The following KIRREL1 variants were observed in gnomAD, a reference collection of about 807,000 sequenced individuals.
KIRREL1 encodes kin of IRRE-like protein 1.
KIRREL1 carries 25 observed loss-of-function variants against 83.3 expected under a neutral mutation model. That is an observed-to-expected ratio of 0.30 (90% CI 0.22 to 0.42). The LOEUF is 0.42. Ranked by LOEUF, KIRREL1 falls within the 10% of genes least tolerant of loss-of-function variation. KIRREL1 has a pLI of 1.00. For missense variants in KIRREL1, 812 were observed against 1,032.3 expected (o/e 0.79, Z 2.92); for synonymous variants, 388 against 410.4 (o/e 0.95, Z 0.66).
At chr1:158,034,269 C>CA (rs750353894) in intron 1 of KIRREL1, among the ~76,000 whole-genome samples, 80,725 of 113,160 alleles carry the variant, frequency 0.71, 28,077 homozygotes, top group East Asian at 0.86. Flanking sequence ...GACTCCGTCT[C>CA]AAAAAAAAAA....
rs1347030555 is a variant in KIRREL1, at chr1:158,098,976, A to G, written c.*3856A>G. 2 of 152,250 alleles carry G rather than the reference A, an allele frequency of 1.3e-5. No individual in the cohort carries two copies. Among genetic ancestry groups the G allele is most frequent in the Non-Finnish European group, 2.9e-5 (2 of 68,056 alleles). 9.4% of individuals were successfully genotyped at this position (152,250 alleles called of 1,614,324 possible). A position where few individuals can be genotyped will look rare whatever the true frequency, so the allele number is the denominator to read the frequency against. ...ATATACATGACCTATGTTCATAGCA[A>G]TGTTCAGCCATTTGGGTTTGAAGAA... On this transcript the variant is annotated 3_prime_UTR_variant, in exon 15 of 15. Transcript: ENST00000359209.
At chr1:157,995,592 C>G (rs1267975926) in intron 1 of KIRREL1, among the ~76,000 whole-genome samples, 1 of 152,130 alleles carries the variant, frequency 6.6e-6, no homozygotes, top group Non-Finnish European at 1.5e-5. Flanking sequence ...CCTTACATGT[C>G]AGCATCATGG....
At chr1:158,079,559 G>A (rs1661784916) in intron 3 of KIRREL1, among the ~76,000 whole-genome samples, 1 of 152,248 alleles carries the variant, frequency 6.6e-6, no homozygotes, top group South Asian at 2.1e-4. Context: ...TACCTCAGGT[G>A]ATCCACTCAT....
intron 1 of KIRREL1, among the ~76,000 whole-genome samples, chr1:158,049,897 C>T (rs140706027): frequency 4.6e-5 from 7 of 152,162 alleles, no homozygotes; most frequent in Non-Finnish European, 7.4e-5. Context: ...TGAAAAGACC[C>T]GTATTACAGC....
chr1:158,029,364 T>TGC (rs1160923116), intron 1 of KIRREL1, among the ~76,000 whole-genome samples: 8 of 147,742 alleles, frequency 5.4e-5, no homozygotes, highest in African/African-American at 2.0e-4. Context: ...TGTGTGTGTG[T>TGC]GTGCACGTGC....
At chr1:158,060,335 T>C (rs1661180210) in intron 1 of KIRREL1, among the ~76,000 whole-genome samples, 1 of 152,276 alleles carries the variant, frequency 6.6e-6, no homozygotes, top group Non-Finnish European at 1.5e-5. Flanking sequence ...GATGAGCCAA[T>C]TTCACCCATT....
intron 1 of KIRREL1, among the ~76,000 whole-genome samples, chr1:158,027,783 G>A (rs1660213107): frequency 1.3e-5 from 2 of 152,196 alleles, no homozygotes; most frequent in South Asian, 2.1e-4. Context: ...ATATGTTTGT[G>A]TTGTCTCAGA....
At chr1:158,012,300 C>T (rs1345767040) in intron 1 of KIRREL1, among the ~76,000 whole-genome samples, 2 of 152,130 alleles carry the variant, frequency 1.3e-5, no homozygotes, top group African/African-American at 4.8e-5. Flanking sequence ...TGCTTTTCAC[C>T]TTCTGGAAAA....
intron 1 of KIRREL1, among the ~76,000 whole-genome samples, chr1:158,022,869 G>A (rs921903826): frequency 1.3e-5 from 2 of 152,102 alleles, no homozygotes; most frequent in African/African-American, 4.8e-5. Flanking sequence ...CCACACACCT[G>A]CACACCCGCA....
intron 1 of KIRREL1, among the ~76,000 whole-genome samples, chr1:158,037,404 A>T (rs1487882369): frequency 6.6e-6 from 1 of 151,650 alleles, no homozygotes; most frequent in Non-Finnish European, 1.5e-5. Flanking sequence ...GACGCAGGAG[A>T]ATCACTTGAA....
At chr1:158,040,795 G>T (rs1443778985) in intron 1 of KIRREL1, among the ~76,000 whole-genome samples, 9 of 152,180 alleles carry the variant, frequency 5.9e-5, no homozygotes, top group African/African-American at 1.4e-4. Context: ...GGTGGTTGGT[G>T]GGGGGCTGAA....
Position 158,097,993 on chromosome 1 carries a change from A to T in KIRREL1, c.*2873A>T, listed in dbSNP as rs1358528542. On this transcript the variant is annotated 3_prime_UTR_variant, in exon 15 of 15. Transcript: ENST00000359209. ...TATACCCATAGGGTTGGGGGTAGGG[A>T]TGGGACTGCCCATTGCTGGCAAGGA... The T allele has an allele frequency of 1.3e-5, 2 of 152,086 alleles. No individual in the cohort carries two copies. The highest frequency in any genetic ancestry group is 4.8e-5 in the African/African-American group (2 of 41,406). The allele number at this position is 152,086 out of a possible 1,614,324, so 9.4% of individuals were successfully genotyped here.
chr1:158,040,513 T>C (rs1660595949), intron 1 of KIRREL1, among the ~76,000 whole-genome samples: 1 of 152,264 alleles, frequency 6.6e-6, no homozygotes, highest in Non-Finnish European at 1.5e-5. Context: ...TTAAATTAGA[T>C]AATGCATAGT....
At position 157,999,725 on chromosome 1, in the gene KIRREL1, G is replaced by C. The variant is rs571899153; in HGVS notation, c.52+5997G>C. 2.6e-5 allele frequency among the ~76,000 whole-genome samples: 4 copies of C among 152,106 alleles called. No homozygotes were observed. In the South Asian group the frequency reaches 8.3e-4, roughly 32 times the overall value. Reference sequence around the variant, plus strand: ...AGGGTTCTTTGACCTGGAAAAGGATGGGGGTGTGGGGGTGGGTTGTCAGCA... The same window carrying C: ...AGGGTTCTTTGACCTGGAAAAGGATCGGGGTGTGGGGGTGGGTTGTCAGCA... On this transcript the variant is annotated intron_variant, in intron 1 of 14. Transcript: ENST00000359209.
At position 158,050,461 on chromosome 1, in the gene KIRREL1, C is replaced by T. The variant is rs138576821; in HGVS notation, c.53-25652C>T. On this transcript the variant is annotated intron_variant, in intron 1 of 14. Transcript: ENST00000359209. ...TAATGAGGTGCTATTTTCACTCCCC[C>T]CTTTCCTCCCATTCACTATAAACAT... Among the ~76,000 whole-genome samples the T allele has an allele frequency of 1.9e-3, 293 of 152,198 alleles. 1 individual carries two copies. Among genetic ancestry groups the T allele is most frequent in the African/African-American group, 6.8e-3 (282 of 41,542 alleles).
At chr1:158,071,134 G>T (rs528300336) in intron 1 of KIRREL1, among the ~76,000 whole-genome samples, 15 of 152,194 alleles carry the variant, frequency 9.9e-5, no homozygotes, top group African/African-American at 3.6e-4. Flanking sequence ...GGGTGTCTTT[G>T]TCTCACTGGC....
rs1347459074 is a variant in KIRREL1 at position 158,096,536 on chromosome 1, G to A, written c.*1416G>A. 6 of 456,436 alleles carry A rather than the reference G, an allele frequency of 1.3e-5. No homozygotes were observed. Among genetic ancestry groups the A allele is most frequent in the Admixed American group, 1.2e-4 (5 of 42,544 alleles). 28.3% of individuals were successfully genotyped at this position (456,436 alleles called of 1,614,324 possible). A position where few individuals can be genotyped will look rare whatever the true frequency, so the allele number is the denominator to read the frequency against. On this transcript the variant is annotated 3_prime_UTR_variant, in exon 15 of 15. Coordinates refer to ENST00000359209, the MANE Select transcript of KIRREL1 (RefSeq NM_018240.7). ...AGTGTTAGGAGAGAGATGGGTGAGG[G>A]GACCTGGAGAGGTAAGGGGCCTGGA...
intron 1 of KIRREL1, among the ~76,000 whole-genome samples, chr1:158,033,850 C>T (rs1235350917): frequency 2.0e-5 from 3 of 151,884 alleles, no homozygotes; most frequent in Admixed American, 6.6e-5. Flanking sequence ...CATGGTGGCA[C>T]GTGCCTGTAA....
chr1:158,033,335 G>T (rs1014038783), intron 1 of KIRREL1, among the ~76,000 whole-genome samples: 2 of 152,184 alleles, frequency 1.3e-5, no homozygotes, highest in African/African-American at 4.8e-5. Context: ...GCCTCCCAAA[G>T]CTCTGGGATT....
Sources: allele counts gnomAD v4.1 joint callset (sites outside exome capture counted in the v4.1 genomes callset), GRCh38; gene constraint gnomAD v4.1.1; transcripts MANE v1.5; gene names NCBI Gene and HGNC (gene_info 2026-07-23, HGNC 2026-07-21).